GGNBP2: variants seen among roughly 807,000 people sequenced by gnomAD.
GGNBP2 encodes the protein gametogenetin binding protein 2, also known as gametogenetin-binding protein 2.
Under a neutral mutation model 85.9 loss-of-function variants are expected in GGNBP2, and 10 were observed. The observed-to-expected ratio is 0.12, with a 90% CI of 0.07 to 0.20. GGNBP2 has a LOEUF of 0.20. GGNBP2 is among the 10% of genes least tolerant of loss of function. The pLI is 1.00. For missense variants in GGNBP2, 595 were observed against 857.8 expected (o/e 0.69, Z 3.83); for synonymous variants, 287 against 285.7 (o/e 1.00, Z -0.05).
rs1046001412 is a variant in GGNBP2, at chr17:36,589,530, C to G, written c.*119C>G. ...AATTTTATCTTAAATCAATGTGATT[C>G]TTTCTTGTTTTGGGAGACGGTGGAG... On this transcript the variant is annotated 3_prime_UTR_variant, in exon 14 of 14. Coordinates refer to ENST00000613102, the MANE Select transcript of GGNBP2 (RefSeq NM_024835.5). 2.9e-5 allele frequency: 21 copies of G among 726,692 alleles called. No individual in the cohort carries two copies. The highest frequency in any genetic ancestry group is 1.4e-4 in the South Asian group (8 of 57,338). 45.0% of individuals were successfully genotyped at this position (726,692 alleles called of 1,614,324 possible).
intron 9 of GGNBP2, among the ~76,000 whole-genome samples, chr17:36,583,062 C>CT (rs959613455): frequency 2.1e-3 from 308 of 148,090 alleles, no homozygotes; most frequent in African/African-American, 6.8e-3. Context: ...AGCTAGATTC[C>CT]TTTTTTTTTT....
rs1302435641 is a variant in GGNBP2, at chr17:36,581,889, T to A, written c.1215+351T>A. The A allele has an allele frequency of 3.2e-5, 5 of 155,694 alleles. No individual in the cohort carries two copies. The East Asian group carries it at 9.2e-4, about 29-fold the overall frequency. The allele number at this position is 155,694 out of a possible 1,614,324, so 9.6% of individuals were successfully genotyped here. The stretch of plus-strand genomic sequence containing the variant: ...TCTATGCACATCCTCCTTATACTTT[T>A]ATTTCTGAGACAGGGTCTCACTCTG... On this transcript the variant is annotated intron_variant, in intron 9 of 13. Coordinates refer to ENST00000613102, the MANE Select transcript of GGNBP2 (RefSeq NM_024835.5).
intron 5 of GGNBP2, among the ~76,000 whole-genome samples, chr17:36,564,148 A>T (rs2074446943): frequency 6.6e-6 from 1 of 152,228 alleles, no homozygotes; most frequent in African/African-American, 2.4e-5. Context: ...CTGACTCTAA[A>T]TGCAGAGTAC....
Position 36,581,537 on chromosome 17 carries a change from A to C in GGNBP2, c.1214A>C (p.Lys405Thr). 6.3e-7 allele frequency: 1 copy of C among 1,599,952 alleles called. No individual in the cohort carries two copies. The highest frequency in any genetic ancestry group is 2.2e-5 in the East Asian group (1 of 44,722). ...TADEKEVSQEKETDFIENSSC... is the reference protein window; with the variant it reads ...TADEKEVSQETETDFIENSSC... ...GATGAAAAGGAAGTAAGCCAAGAGA[A>C]GGTAATATTTCTTAATATCAACTCT... The change falls in exon 9 of 14, where the codon AAG becomes ACG. Residue 405 changes from lysine (K) to threonine (T), a missense_variant and splice_region_variant. Lys to Thr is a moderately conservative substitution (Grantham distance 78, BLOSUM62 -1). Around this residue, in one of 9 missense-constraint regions of GGNBP2, gnomAD observed 85 missense variants for 92.6 expected, o/e 0.92. Coordinates refer to ENST00000613102, the MANE Select transcript of GGNBP2 (RefSeq NM_024835.5).
rs138307875 is a variant in GGNBP2, at chr17:36,554,719, G to A, written c.94-101G>A. Reference sequence around the variant, plus strand: ...AAATTTTTTGAGGGGCTAGGGATGGGTGCAAATCTGGCTTTCACGGGTCTA... The same window carrying A: ...AAATTTTTTGAGGGGCTAGGGATGGATGCAAATCTGGCTTTCACGGGTCTA... On this transcript the variant is annotated intron_variant, in intron 2 of 13. Transcript: ENST00000613102. 1,897 of 812,242 alleles carry A rather than the reference G, an allele frequency of 2.3e-3. 18 individuals are homozygous for A. Among genetic ancestry groups the A allele is most frequent in the African/African-American group, 0.021 (1,266 of 59,144 alleles). 50.3% of individuals were successfully genotyped at this position (812,242 alleles called of 1,614,324 possible). A position where few individuals can be genotyped will look rare whatever the true frequency, so the allele number is the denominator to read the frequency against.
intron 6 of GGNBP2, 56 bp downstream of exon 6, chr17:36,567,832 C>A: frequency 1.2e-6 from 1 of 852,824 alleles, no homozygotes; most frequent in Non-Finnish European, 2.0e-6. Context: ...TGTCAGTCAC[C>A]TAGAGTGGCC....
intron 6 of GGNBP2, among the ~76,000 whole-genome samples, chr17:36,570,118 C>T (rs976124398): frequency 6.6e-6 from 1 of 152,188 alleles, no homozygotes; most frequent in Non-Finnish European, 1.5e-5. Context: ...TGGCTCACAA[C>T]TGTAGTTCCA....
chr17:36,551,611 C>G (rs904366682), intron 2 of GGNBP2, among the ~76,000 whole-genome samples: 2 of 151,570 alleles, frequency 1.3e-5, no homozygotes, highest in Non-Finnish European at 2.9e-5. Context: ...TTGGAGGCCT[C>G]GGAGAGTGGA....
At chr17:36,549,314 T>C (rs1483791636) in intron 2 of GGNBP2, among the ~76,000 whole-genome samples, 1 of 152,170 alleles carries the variant, frequency 6.6e-6, no homozygotes, top group Non-Finnish European at 1.5e-5. Flanking sequence ...GTGATTCTCC[T>C]GCCTCAGCCT....
chr17:36,573,276 C>A (rs1555607151), intron 6 of GGNBP2, among the ~76,000 whole-genome samples: 1 of 152,100 alleles, frequency 6.6e-6, no homozygotes, highest in Non-Finnish European at 1.5e-5. Flanking sequence ...CCACACCTGG[C>A]TAATTTTTGT....
At chr17:36,564,820 A>C (rs1463452002) in intron 5 of GGNBP2, among the ~76,000 whole-genome samples, 1 of 151,940 alleles carries the variant, frequency 6.6e-6, no homozygotes, top group South Asian at 2.1e-4. Context: ...AGTATAATAC[A>C]GTTGATTAGG....
chr17:36,572,910 A>G (rs751684009), intron 6 of GGNBP2, among the ~76,000 whole-genome samples: 1 of 152,148 alleles, frequency 6.6e-6, no homozygotes, highest in African/African-American at 2.4e-5. Flanking sequence ...GATAGCTCAT[A>G]TAAATGGGAT....
At chr17:36,581,616 A>C in intron 9 of GGNBP2, 78 bp downstream of exon 9, 250 of 1,109,086 alleles carry the variant, frequency 2.3e-4, no homozygotes, top group Non-Finnish European at 2.8e-4. Flanking sequence ...GTGGTGGCTC[A>C]CGCCTGTGAT....
intron 2 of GGNBP2, chr17:36,547,360 TAAAAA>T (rs951511429): frequency 2.0e-5 from 3 of 148,806 alleles, no homozygotes; most frequent in South Asian, 2.1e-4. Context: ...GCTGTGGAGT[TAAAAA>T]AAAAAATTCA....
chr17:36,571,406 C>T (rs530729165), intron 6 of GGNBP2, among the ~76,000 whole-genome samples: 22 of 152,054 alleles, frequency 1.4e-4, no homozygotes, highest in African/African-American at 3.9e-4. Context: ...AAAAATTAGC[C>T]GGGCTTGGTG....
chr17:36,559,741 A>G (rs1296582128), intron 4 of GGNBP2, among the ~76,000 whole-genome samples: 1 of 152,212 alleles, frequency 6.6e-6, no homozygotes, highest in Non-Finnish European at 1.5e-5. Context: ...TGACTAAGCT[A>G]GAGATTGGTG....
chr17:36,551,806 G>A (rs529358741), intron 2 of GGNBP2, among the ~76,000 whole-genome samples: 3 of 151,970 alleles, frequency 2.0e-5, no homozygotes, highest in Non-Finnish European at 2.9e-5. Flanking sequence ...TCCAGCCTAG[G>A]CAACAGAGTT....
intron 9 of GGNBP2, among the ~76,000 whole-genome samples, chr17:36,584,463 G>A (rs934151125): frequency 5.3e-5 from 8 of 152,034 alleles, no homozygotes; most frequent in Non-Finnish European, 1.2e-4. Flanking sequence ...TCAGCCTCCT[G>A]AGTAGCTGGG....
chr17:36,558,942 AT>A (rs1366593581), intron 4 of GGNBP2, among the ~76,000 whole-genome samples: 2 of 151,964 alleles, frequency 1.3e-5, no homozygotes, highest in African/African-American at 4.8e-5. Flanking sequence ...AGCCAGTGGG[AT>A]TTTTTGGATA....
Sources: allele counts gnomAD v4.1 joint callset (sites outside exome capture counted in the v4.1 genomes callset), GRCh38; gene constraint gnomAD v4.1.1; regional missense constraint gnomAD v4.1.1; transcripts MANE v1.5; gene names NCBI Gene and HGNC (gene_info 2026-07-23, HGNC 2026-07-21).